TTC21A: variants seen among roughly 807,000 people sequenced by gnomAD.
TTC21A encodes tetratricopeptide repeat domain 21A, also known as tetratricopeptide repeat protein 21A.
A neutral mutation model predicts 156.4 loss-of-function variants in TTC21A; 128 were observed. The ratio of observed to expected loss-of-function variants is 0.82; its 90% CI spans 0.71 to 0.95. TTC21A has a LOEUF of 0.95. TTC21A is among the 40% of genes least tolerant of loss of function. The pLI, the probability that TTC21A is intolerant of heterozygous loss-of-function variation, is 0.00. For missense variants in TTC21A, 1,435 were observed against 1,602.3 expected (o/e 0.90, Z 1.78); for synonymous variants, 587 against 617.1 (o/e 0.95, Z 0.72).
chr3:39,137,217 G>T lies in TTC21A; in HGVS notation c.3280G>T (p.Glu1094Ter). The change falls in exon 25 of 29, where the codon GAG (glutamate) becomes TAG (stop). Residue 1094 changes from glutamate to a stop codon, truncating the protein, a stop_gained. Transcript: ENST00000683103. LOFTEE classifies it high-confidence loss of function. ...CAGCTACATGGAGAAGAAGGAGTTG[G>T]AGCAGCAGGGTGTGAGCACCGCCGA... is the stretch of plus-strand genomic sequence containing the variant. The part of the protein sequence containing the change: ...ESNYMEKKEL[E>*]QQGVSTAEKL... The T allele has an allele frequency of 6.2e-7, 1 of 1,613,506 alleles. No homozygotes were observed. Among genetic ancestry groups the T allele is most frequent in the South Asian group, 1.1e-5 (1 of 91,038 alleles).
intron 20 of TTC21A, 63 bp downstream of exon 20, chr3:39,133,303 A>C: frequency 9.2e-6 from 14 of 1,527,582 alleles, no homozygotes; most frequent in South Asian, 2.4e-5. Context: ...TGCTGAGCTC[A>C]CTGACCAGGT....
At chr3:39,116,821 T>C (rs2037331268) in intron 6 of TTC21A, among the ~76,000 whole-genome samples, 1 of 152,208 alleles carries the variant, frequency 6.6e-6, no homozygotes, top group Non-Finnish European at 1.5e-5. Context: ...TCTTCCAAGG[T>C]ATTTTGCTAT....
rs2036325922 is a variant in TTC21A at position 39,107,801 on chromosome 3, C to T, written c.-37C>T. 1.2e-6 allele frequency: 2 copies of T among 1,612,144 alleles called. No homozygotes were observed. Among genetic ancestry groups the T allele is most frequent in the Non-Finnish European group, 8.5e-7 (1 of 1,179,942 alleles). On this transcript the variant is annotated 5_prime_UTR_variant, in exon 1 of 29. Transcript: ENST00000683103. ...CTCGGGAATCCCGCTCTGCACCGCCCCACCAGACCCGGACTCGGAGCCGCG... is the reference window on the plus strand; with the variant it reads ...CTCGGGAATCCCGCTCTGCACCGCCTCACCAGACCCGGACTCGGAGCCGCG...
At chr3:39,135,860 C>T (rs1413640064) in intron 22 of TTC21A, among the ~76,000 whole-genome samples, 1 of 152,128 alleles carries the variant, frequency 6.6e-6, no homozygotes, top group East Asian at 1.9e-4. Context: ...TCGAAACCAT[C>T]CTGGCTACAC....
rs774083944 is a variant in TTC21A at position 39,138,624 on chromosome 3, G to A, written c.3864+1G>A. 6.2e-7 allele frequency: 1 copy of A among 1,614,244 alleles called. No individual in the cohort carries two copies. The highest frequency in any genetic ancestry group is 8.5e-7 in the Non-Finnish European group (1 of 1,180,046). On this transcript the variant is annotated splice_donor_variant, in intron 28 of 28. Coordinates refer to ENST00000683103, the MANE Select transcript of TTC21A (RefSeq NM_001366900.1). LOFTEE classifies it high-confidence loss of function. ...GGAGGCCATTGAAATCTGCAACGAT[G>A]TAAGCCAGCAGCCTTGGTGGGGAGG...
At chr3:39,128,278 G>T (rs1401986587) in intron 12 of TTC21A, 53 bp from the exon 13 acceptor site, 1 of 1,588,278 alleles carries the variant, frequency 6.3e-7, no homozygotes, top group Non-Finnish European at 8.6e-7. Context: ...TGCATATCAG[G>T]TCTTAGGAGC....
At position 39,125,314 on chromosome 3, in the gene TTC21A, C is replaced by G; in HGVS notation, c.1192-18C>G. The G allele has an allele frequency of 6.2e-7, 1 of 1,611,610 alleles. No individual in the cohort carries two copies. The highest frequency in any genetic ancestry group is 8.5e-7 in the Non-Finnish European group (1 of 1,178,496). Reference sequence around the variant, plus strand: ...CCAGGCTGACATTGGCACTGAGACTCGGTCCTCTCTTCCACAGGTGCTAAT... The same window carrying G: ...CCAGGCTGACATTGGCACTGAGACTGGGTCCTCTCTTCCACAGGTGCTAAT... On this transcript the variant is annotated intron_variant, in intron 10 of 28. Transcript: ENST00000683103.
intron 5 of TTC21A, 46 bp downstream of exon 5, chr3:39,112,626 A>G (rs756278295): frequency 8.7e-6 from 14 of 1,606,094 alleles, no homozygotes; most frequent in Non-Finnish European, 9.4e-6. Context: ...TGGCCAGGCC[A>G]CTGGAACCAG....
intron 19 of TTC21A, among the ~76,000 whole-genome samples, chr3:39,131,983 A>C (rs1164368584): frequency 6.6e-6 from 1 of 152,142 alleles, no homozygotes; most frequent in Non-Finnish European, 1.5e-5. Context: ...GCTTATCAGC[A>C]GGGATATGAT....
At chr3:39,129,540 C>T in intron 15 of TTC21A, among the ~76,000 whole-genome samples, 1 of 152,234 alleles carries the variant, frequency 6.6e-6, no homozygotes, top group East Asian at 1.9e-4. Context: ...CTTGCCTCCC[C>T]CTCACCTGCT....
intron 9 of TTC21A, among the ~76,000 whole-genome samples, chr3:39,124,259 G>A (rs2038021906): frequency 6.6e-6 from 1 of 152,100 alleles, no homozygotes; most frequent in Non-Finnish European, 1.5e-5. Flanking sequence ...AATTAGTAGG[G>A]CAATAAATTG....
At position 39,136,458 on chromosome 3, in the gene TTC21A, C is replaced by A; in HGVS notation, c.3046C>A (p.Arg1016=). The change falls in exon 23 of 29, where the codon CGG becomes AGG. Residue 1016 remains arginine, a synonymous_variant. Coordinates refer to ENST00000683103, the MANE Select transcript of TTC21A (RefSeq NM_001366900.1). ...TGAATTGGCCAAGAAGGTGTCTAGC[C>A]GGGTGCCTTTGGAACCAGGGTTCAA... The part of the protein sequence containing the change: ...FFELAKKVSS[R]VPLEPGFNYC... 6.2e-7 allele frequency: 1 copy of A among 1,614,214 alleles called. No homozygotes were observed. Among genetic ancestry groups the A allele is most frequent in the Non-Finnish European group, 8.5e-7 (1 of 1,180,032 alleles).
At chr3:39,129,713 G>A (rs2038577622) in intron 15 of TTC21A, among the ~76,000 whole-genome samples, 1 of 152,232 alleles carries the variant, frequency 6.6e-6, no homozygotes, top group Non-Finnish European at 1.5e-5. Flanking sequence ...GGGAGGTGGG[G>A]ATGCTGAGGG....
rs199882506 is a variant in TTC21A, at chr3:39,128,743, C to T, written c.1707C>T (p.Leu569=). ...TCCGAGATCACCCCCTCTACCACCT[C>T]ATCAAGGCCAGGGCCCTCAACAAGG... ...FQVRDHPLYH[L]IKARALNKAG... Residue 569 remains leucine, a synonymous_variant, in exon 14 of 29, where the codon CTC becomes CTT. Transcript: ENST00000683103. 505 of 1,614,180 alleles carry T rather than the reference C, an allele frequency of 3.1e-4. 2 individuals carry two copies. In the Middle Eastern group the frequency reaches 7.8e-3, roughly 25 times the overall value.
rs779402204 is a variant in TTC21A, at chr3:39,128,420, T to C, written c.1612T>C (p.Tyr538His). The change falls in exon 13 of 29, where the codon TAC (tyrosine) becomes CAC (histidine). Residue 538 changes from tyrosine (Y) to histidine (H), a missense_variant. By Grantham distance (83) the Tyr-to-His change is moderately conservative (BLOSUM62 2). Transcript: ENST00000683103. ...TGCCCATCTCCTCATGTGTCAGATCTACTTGGCTCAGGGCAACTTTGGCAT... is the reference window on the plus strand; with the variant it reads ...TGCCCATCTCCTCATGTGTCAGATCCACTTGGCTCAGGGCAACTTTGGCAT... Reference protein sequence around the residue: ...VDAHLLMCQIYLAQGNFGMCF... With the variant: ...VDAHLLMCQIHLAQGNFGMCF... 1.2e-5 allele frequency: 19 copies of C among 1,614,112 alleles called. No individual in the cohort carries two copies. The highest frequency in any genetic ancestry group is 1.1e-4 in the South Asian group (10 of 91,096).
At chr3:39,113,839 C>T (rs1203543342) in intron 5 of TTC21A, among the ~76,000 whole-genome samples, 1 of 152,252 alleles carries the variant, frequency 6.6e-6, no homozygotes, top group Non-Finnish European at 1.5e-5. Flanking sequence ...TCCAGTTATG[C>T]ACTTAAAGTG....
At chr3:39,132,328 A>G (rs1205855877) in intron 19 of TTC21A, among the ~76,000 whole-genome samples, 1 of 152,034 alleles carries the variant, frequency 6.6e-6, no homozygotes, top group Non-Finnish European at 1.5e-5. Context: ...GCCTTTCCCA[A>G]CCCATGCTCT....
Position 39,112,526 on chromosome 3 carries a change from G to C in TTC21A, c.504G>C (p.Glu168Asp). Residue 168 changes from glutamate to aspartate, a missense_variant, in exon 5 of 29, where the codon GAG becomes GAC. By Grantham distance (45) the Glu-to-Asp change is conservative. Transcript: ENST00000683103. ...CCCACACTGCGAAGAAAGCCATTGA[G>C]TACCTGGAACAAGGAATTCAGGACA... ...DKPHTAKKAI[E>D]YLEQGIQDTK... The C allele has an allele frequency of 6.2e-7, 1 of 1,614,178 alleles. No individual in the cohort carries two copies. Among genetic ancestry groups the C allele is most frequent in the South Asian group, 1.1e-5 (1 of 91,084 alleles).
At chr3:39,117,154 G>A (rs1239365555) in intron 6 of TTC21A, among the ~76,000 whole-genome samples, 1 of 152,098 alleles carries the variant, frequency 6.6e-6, no homozygotes, top group Non-Finnish European at 1.5e-5. Flanking sequence ...CATATCATTT[G>A]GCTCCAAGAA....
Sources: gnomAD v4.1 joint callset for allele counts (sites outside exome capture counted in the v4.1 genomes callset) on GRCh38, gnomAD v4.1.1 for gene constraint, MANE v1.5 for transcripts, NCBI Gene and HGNC (gene_info 2026-07-23, HGNC 2026-07-21) for gene names.